The following PDE4B variants were observed in gnomAD, a reference collection of about 807,000 sequenced individuals.
The protein encoded by PDE4B is phosphodiesterase 4B, also known as 3',5'-cyclic-AMP phosphodiesterase 4B.
PDE4B carries 20 observed loss-of-function variants against 82.2 expected under a neutral mutation model. That is an observed-to-expected ratio of 0.24 (90% CI 0.17 to 0.35). The LOEUF is 0.35. PDE4B is among the 10% of genes least tolerant of loss of function. PDE4B has a pLI of 1.00. For synonymous variants in PDE4B, 320 were observed against 318.9 expected (o/e 1.00, Z -0.04); for missense variants, 655 against 907.2 (o/e 0.72, Z 3.57).
intron 7 of PDE4B, among the ~76,000 whole-genome samples, chr1:66,319,747 A>T (rs1052954787): frequency 5.9e-5 from 9 of 152,238 alleles, no homozygotes; most frequent in African/African-American, 2.2e-4. Context: ...CGAAAGGTAG[A>T]TGAGGATTAA....
At chr1:66,041,775 A>C (rs1036141230) in intron 3 of PDE4B, among the ~76,000 whole-genome samples, 1 of 149,762 alleles carries the variant, frequency 6.7e-6, no homozygotes, top group African/African-American at 2.5e-5. Flanking sequence ...AGGAGGAAGA[A>C]TCTATTTTAC....
chr1:66,185,279 T>A (rs1218067186), intron 3 of PDE4B, among the ~76,000 whole-genome samples: 2 of 152,244 alleles, frequency 1.3e-5, no homozygotes, highest in Non-Finnish European at 2.9e-5. Context: ...TTTGCTATTG[T>A]GAATAGTGCC....
intron 7 of PDE4B, among the ~76,000 whole-genome samples, chr1:66,318,856 C>T (rs1659197943): frequency 6.6e-6 from 1 of 152,126 alleles, no homozygotes; most frequent in Admixed American, 6.5e-5. Flanking sequence ...CAGAGACTAG[C>T]CACAGTTTAA....
intron 6 of PDE4B, among the ~76,000 whole-genome samples, chr1:66,259,996 T>C (rs1654563531): frequency 6.6e-6 from 1 of 152,196 alleles, no homozygotes. Flanking sequence ...AATGAATTGA[T>C]ATTTGCAAAG....
intron 3 of PDE4B, among the ~76,000 whole-genome samples, chr1:66,164,425 A>T (rs1646678144): frequency 6.7e-6 from 1 of 149,920 alleles, no homozygotes; most frequent in South Asian, 2.1e-4. Context: ...AATCTCAGCT[A>T]CTCGGGAGGC....
chr1:66,260,277 T>C (rs1453945260), intron 6 of PDE4B, among the ~76,000 whole-genome samples: 1 of 152,208 alleles, frequency 6.6e-6, no homozygotes, highest in Non-Finnish European at 1.5e-5. Context: ...AGAGTTTTCC[T>C]TGAAACCTGT....
At chr1:65,803,645 A>G (rs969371135) in intron 1 of PDE4B, among the ~76,000 whole-genome samples, 3 of 152,218 alleles carry the variant, frequency 2.0e-5, no homozygotes, top group Non-Finnish European at 4.4e-5. Flanking sequence ...GGTCTCTTAA[A>G]TGGTTTGTGA....
At chr1:66,048,323 A>T (rs953695872) in intron 3 of PDE4B, among the ~76,000 whole-genome samples, 1 of 151,722 alleles carries the variant, frequency 6.6e-6, no homozygotes, top group Non-Finnish European at 1.5e-5. Context: ...GGAGCAATCA[A>T]CTCCACTGTC....
chr1:65,937,502 A>C (rs973741105), intron 3 of PDE4B, among the ~76,000 whole-genome samples: 1 of 152,132 alleles, frequency 6.6e-6, no homozygotes, highest in Non-Finnish European at 1.5e-5. Context: ...ATACCCATAG[A>C]TGTGCAAATG....
chr1:65,840,753 C>G (rs974027703), intron 1 of PDE4B, among the ~76,000 whole-genome samples: 2 of 152,154 alleles, frequency 1.3e-5, no homozygotes, highest in Admixed American at 1.3e-4. Flanking sequence ...TATCTTTGCT[C>G]CTTATGTGCA....
intron 7 of PDE4B, among the ~76,000 whole-genome samples, chr1:66,270,459 G>T (rs17128715): frequency 6.6e-6 from 1 of 152,134 alleles, no homozygotes. Context: ...AGTTATCTTC[G>T]ATTTTAAGGA....
intron 3 of PDE4B, among the ~76,000 whole-genome samples, chr1:66,200,754 A>C (rs1467604905): frequency 6.6e-6 from 1 of 152,140 alleles, no homozygotes; most frequent in Non-Finnish European, 1.5e-5. Flanking sequence ...GGGCTGAGAC[A>C]GTGGGGTTTT....
At chr1:66,138,915 G>A (rs1213508243) in intron 3 of PDE4B, among the ~76,000 whole-genome samples, 1 of 152,156 alleles carries the variant, frequency 6.6e-6, no homozygotes, top group African/African-American at 2.4e-5. Flanking sequence ...CTCCAAGTGG[G>A]AGAGGGCCTT....
chr1:65,914,277 T>C (rs1468042996), intron 2 of PDE4B, among the ~76,000 whole-genome samples: 1 of 152,192 alleles, frequency 6.6e-6, no homozygotes, highest in Non-Finnish European at 1.5e-5. Context: ...GCAAGAATGC[T>C]AGAACTAATT....
intron 8 of PDE4B, 88 bp downstream of exon 8, chr1:66,332,708 G>C (rs1660217334): frequency 2.0e-6 from 2 of 999,804 alleles, no homozygotes; most frequent in African/African-American, 3.3e-5. Flanking sequence ...AGTGCACCAG[G>C]GAATGCTACC....
At chr1:66,162,278 C>A (rs1473525188) in intron 3 of PDE4B, among the ~76,000 whole-genome samples, 3 of 123,408 alleles carry the variant, frequency 2.4e-5, no homozygotes, top group African/African-American at 9.2e-5. Context: ...TTCATAGGCC[C>A]TTTGGTGGTA....
At chr1:66,078,204 T>C (rs898128079) in intron 3 of PDE4B, among the ~76,000 whole-genome samples, 1 of 151,594 alleles carries the variant, frequency 6.6e-6, no homozygotes, top group African/African-American at 2.4e-5. Flanking sequence ...TTTCTTTCTT[T>C]TTTTTTTTTC....
At chr1:66,111,445 C>A (rs1255989693) in intron 3 of PDE4B, among the ~76,000 whole-genome samples, 1 of 152,032 alleles carries the variant, frequency 6.6e-6, no homozygotes, top group Non-Finnish European at 1.5e-5. Flanking sequence ...AAGTTCCTGG[C>A]AACCACCATT....
intron 3 of PDE4B, among the ~76,000 whole-genome samples, chr1:66,018,132 T>C (rs72667429): frequency 6.6e-6 from 1 of 152,196 alleles, no homozygotes; most frequent in Non-Finnish European, 1.5e-5. Context: ...AGTATGTGGT[T>C]TTAGGCCGGG....
Sources: allele counts gnomAD v4.1 joint callset (sites outside exome capture counted in the v4.1 genomes callset), GRCh38; gene constraint gnomAD v4.1.1; transcripts MANE v1.5; gene names NCBI Gene and HGNC (gene_info 2026-07-23, HGNC 2026-07-21).